SPOP: variants seen among roughly 807,000 people sequenced by gnomAD.
SPOP encodes speckle type BTB/POZ protein, also known as speckle-type POZ protein.
SPOP carries 11 observed loss-of-function variants against 45.6 expected under a neutral mutation model. That is an observed-to-expected ratio of 0.24 (90% CI 0.15 to 0.40). The LOEUF is 0.40. Ranked by LOEUF, SPOP falls within the 10% of genes least tolerant of loss-of-function variation. The pLI is 1.00. For synonymous variants in SPOP, 166 were observed against 166.3 expected (o/e 1.00, Z 0.01); for missense variants, 152 against 465.6 (o/e 0.33, Z 6.20).
intron 1 of SPOP, among the ~76,000 whole-genome samples, chr17:49,649,398 G>A (rs543252042): frequency 7.9e-5 from 12 of 152,032 alleles, no homozygotes; most frequent in African/African-American, 2.4e-4. Context: ...TTAGCTGGGC[G>A]TGGCGGCGCA....
In SPOP at chr17:49,619,577, G is replaced by A. The variant is rs2007124; in HGVS notation, c.201-192C>T. On this transcript the variant is annotated intron_variant, in intron 3 of 9. Coordinates refer to ENST00000504102, the MANE Select transcript of SPOP (RefSeq NM_001007228.2). The surrounding 1 kb of genome is among the most constrained non-coding windows in gnomAD (Gnocchi z 4.9). ...AGACATGGTCTTACTCTATCGTCCA[G>A]GCTGGAGTGCAGTGGTATGATCATG... Among the ~76,000 whole-genome samples, 1,673 of 152,116 alleles carry A rather than the reference G, an allele frequency of 0.011. 39 individuals carry two copies. The highest frequency in any genetic ancestry group is 0.094 in the East Asian group (484 of 5,164).
At chr17:49,648,737 A>C (rs1004239572) in intron 1 of SPOP, among the ~76,000 whole-genome samples, 38 of 152,052 alleles carry the variant, frequency 2.5e-4, no homozygotes. Context: ...AGTACCTACT[A>C]AACTCTTTTT....
intron 1 of SPOP, among the ~76,000 whole-genome samples, chr17:49,639,892 CT>C (rs964590417): frequency 3.3e-5 from 5 of 152,164 alleles, no homozygotes; most frequent in African/African-American, 9.6e-5. Flanking sequence ...AGGTATTTGC[CT>C]TCTGTAATTA....
At chr17:49,676,580 TC>T (rs1445694432) in intron 1 of SPOP, among the ~76,000 whole-genome samples, 1 of 152,142 alleles carries the variant, frequency 6.6e-6, no homozygotes, top group Non-Finnish European at 1.5e-5. Context: ...ATAGTTCCCT[TC>T]CCAGTTATCC....
chr17:49,666,448 GACACACACACACACAC>G (rs36210011), intron 1 of SPOP, among the ~76,000 whole-genome samples: 31 of 142,120 alleles, frequency 2.2e-4, no homozygotes, highest in Admixed American at 7.8e-4. Context: ...CATGAAGACA[GACACACACACACACAC>G]ACACACACAC....
chr17:49,630,448 AAT>A (rs1426806677), intron 1 of SPOP, among the ~76,000 whole-genome samples: 1 of 152,132 alleles, frequency 6.6e-6, no homozygotes, highest in African/African-American at 2.4e-5. Flanking sequence ...CAAAATACTA[AAT>A]ATACTTAAAA....
chr17:49,672,014 C>G (rs1276535550), intron 1 of SPOP, among the ~76,000 whole-genome samples: 1 of 152,126 alleles, frequency 6.6e-6, no homozygotes, highest in East Asian at 1.9e-4. Context: ...GTGGTGGGCA[C>G]CTGTAATCCC....
chr17:49,678,110 C>T (rs1212601670), upstream of SPOP: 2 of 396,596 alleles, frequency 5.0e-6, no homozygotes, highest in Non-Finnish European at 8.9e-6. Flanking sequence ...GGCGTCAGCA[C>T]GTCGACGCAG....
intron 1 of SPOP, among the ~76,000 whole-genome samples, chr17:49,667,388 G>C (rs538106707): frequency 6.6e-6 from 1 of 150,828 alleles, no homozygotes; most frequent in South Asian, 2.1e-4. Flanking sequence ...TAAGGAGTTC[G>C]AGACCAGCCC....
At position 49,600,554 on chromosome 17, in the gene SPOP, A is replaced by G; in HGVS notation, c.981-32T>C. The G allele has an allele frequency of 6.2e-7, 1 of 1,613,438 alleles. No homozygotes were observed. Among genetic ancestry groups the G allele is most frequent in the African/African-American group, 1.3e-5 (1 of 75,010 alleles). ...GAAATGTGGAGAAATGGGTTACCAAAGGGAGTGAGCAAGGGATGAATTCAA... is the reference window on the plus strand; with the variant it reads ...GAAATGTGGAGAAATGGGTTACCAAGGGGAGTGAGCAAGGGATGAATTCAA... On this transcript the variant is annotated intron_variant, in intron 9 of 9. Transcript: ENST00000504102. This position sits in a 1 kb window ranked among gnomAD's most constrained non-coding sequence, Gnocchi z 4.2.
intron 1 of SPOP, among the ~76,000 whole-genome samples, chr17:49,637,140 T>C (rs2072556377): frequency 6.6e-6 from 1 of 151,624 alleles, no homozygotes; most frequent in African/African-American, 2.4e-5. Flanking sequence ...TTGAACCCGG[T>C]GGAGGAGGGA....
intron 1 of SPOP, among the ~76,000 whole-genome samples, chr17:49,640,682 C>G (rs1356583376): frequency 6.6e-6 from 1 of 152,188 alleles, no homozygotes; most frequent in African/African-American, 2.4e-5. Context: ...TCCCAACTCC[C>G]TCTGAGTGAA....
At chr17:49,678,101 G>A (rs2073229487), upstream of SPOP, 7 of 397,368 alleles carry the variant, frequency 1.8e-5, no homozygotes, top group Non-Finnish European at 4.4e-6. Context: ...GGGCGTCATG[G>A]CGTCAGCACG....
chr17:49,607,818 A>G, intron 7 of SPOP, 56 bp downstream of exon 7: 1 of 1,518,460 alleles, frequency 6.6e-7, no homozygotes, highest in South Asian at 1.2e-5. Context: ...TAAAGTGGGA[A>G]ATCATCTGAC....
At chr17:49,669,959 G>A (rs1416481636) in intron 1 of SPOP, among the ~76,000 whole-genome samples, 2 of 152,080 alleles carry the variant, frequency 1.3e-5, no homozygotes, top group Non-Finnish European at 2.9e-5. Flanking sequence ...TATAGATGGG[G>A]AGATTAGAGG....
chr17:49,648,036 T>G (rs570458084), intron 1 of SPOP, among the ~76,000 whole-genome samples: 59 of 152,298 alleles, frequency 3.9e-4, no homozygotes, highest in Non-Finnish European at 6.6e-4. Context: ...TCAACTCAAT[T>G]GCTTAAGCTA....
At chr17:49,662,420 G>A (rs1401490283) in intron 1 of SPOP, among the ~76,000 whole-genome samples, 4 of 152,100 alleles carry the variant, frequency 2.6e-5, no homozygotes, top group East Asian at 1.9e-4. Flanking sequence ...GGTGGCTCAC[G>A]CCTGTAATCC....
At chr17:49,638,618 T>C (rs1435709505) in intron 1 of SPOP, among the ~76,000 whole-genome samples, 2 of 152,016 alleles carry the variant, frequency 1.3e-5, no homozygotes, top group Non-Finnish European at 2.9e-5. Context: ...CCTGAAAATG[T>C]AAGCACCAAC....
At chr17:49,608,923 G>C (rs1436403978) in intron 6 of SPOP, among the ~76,000 whole-genome samples, 1 of 150,742 alleles carries the variant, frequency 6.6e-6, no homozygotes, top group Non-Finnish European at 1.5e-5. Context: ...TTCTTTCTGA[G>C]ACAAAAGTCT....
Sources: gnomAD v4.1 joint callset for allele counts (sites outside exome capture counted in the v4.1 genomes callset) on GRCh38, gnomAD v4.1.1 for gene constraint, Gnocchi (gnomAD v3.1) non-coding constraint, MANE v1.5 for transcripts, NCBI Gene and HGNC (gene_info 2026-07-23, HGNC 2026-07-21) for gene names.